Variants in PYY observed in about 807,000 individuals in gnomAD.
PYY encodes the protein peptide YY.
A neutral mutation model predicts 10.3 loss-of-function variants in PYY; 12 were observed. That is an observed-to-expected ratio of 1.17 (90% confidence interval 0.75 to 1.89). The LOEUF (loss-of-function observed/expected upper bound fraction) is 1.89. Among genes scored for constraint, PYY ranks in the 40% most tolerant of loss-of-function variants. The pLI is 0.00. For synonymous variants in PYY, 66 were observed against 62.0 expected (o/e 1.06, Z -0.30); for missense variants, 141 against 134.0 (o/e 1.05, Z -0.26).
chr17:43,958,386 ATT>A (rs756156118), upstream of PYY, among the ~76,000 whole-genome samples: 3 of 142,126 alleles, frequency 2.1e-5, no homozygotes, highest in South Asian at 2.2e-4. Flanking sequence ...CCTAAAAGGC[ATT>A]TTTTTTTTTT....
Position 43,976,235 on chromosome 17 carries a change from G to GTATACATGTATACATATA in PYY, c.-462-9704_-462-9703insTATATGTATACATGTATA, listed in dbSNP as rs1567932177. 1.0e-3 allele frequency among the ~76,000 whole-genome samples: 111 copies of GTATACATGTATACATATA among 106,996 alleles called. 3 individuals are homozygous for GTATACATGTATACATATA. In the East Asian group the frequency reaches 0.011, roughly 11 times the overall value. 70.2% of individuals were successfully genotyped at this position (106,996 alleles called of 152,430 possible). A position where few individuals can be genotyped will look rare whatever the true frequency, so the allele number is the denominator to read the frequency against. ...CGTATATGTATACATATATACATAT[G>GTATACATGTATACATATA]CGTATATATACACATATGTATACAT... is the stretch of plus-strand genomic sequence containing the variant. On this transcript the variant is annotated intron_variant, in intron 1 of 6. Transcript: ENST00000360085.
intron 1 of PYY, among the ~76,000 whole-genome samples, chr17:43,977,248 A>C (rs1392330729): frequency 6.6e-6 from 1 of 152,210 alleles, no homozygotes; most frequent in Non-Finnish European, 1.5e-5. Context: ...CAGCTTCATT[A>C]GTTCCAAGGG....
At chr17:43,959,065 T>C (rs1354876876) in intron 2 of PYY, among the ~76,000 whole-genome samples, 3 of 152,214 alleles carry the variant, frequency 2.0e-5, no homozygotes, top group Admixed American at 2.0e-4. Flanking sequence ...TTAAAGAAAC[T>C]GGAAATAACA....
chr17:43,987,901 G>T lies in PYY; in HGVS notation c.-463+16490C>A, dbSNP rs2048925675. ...AGTGCTTCGGTAGCAGGGAGGGGCA[G>T]AGAGCGGTGGGACATATGCCTCCAT... On this transcript the variant is annotated intron_variant, in intron 1 of 6. Transcript: ENST00000360085. The surrounding 1 kb of genome is among the most constrained non-coding windows in gnomAD (Gnocchi z 4.0). Among the ~76,000 whole-genome samples, 1 of 152,234 alleles carries T rather than the reference G, an allele frequency of 6.6e-6. No homozygotes were observed. The highest frequency in any genetic ancestry group is 1.5e-5 in the Non-Finnish European group (1 of 68,042).
chr17:43,965,927 C>T (rs952852349), intron 2 of PYY, among the ~76,000 whole-genome samples: 1 of 151,532 alleles, frequency 6.6e-6, no homozygotes, highest in Non-Finnish European at 1.5e-5. Context: ...TGGTGCTCCC[C>T]AAGATGAGAT....
chr17:43,961,680 A>T (rs1324789556), intron 2 of PYY, among the ~76,000 whole-genome samples: 1 of 152,258 alleles, frequency 6.6e-6, no homozygotes, highest in South Asian at 2.1e-4. Context: ...AGCTGGGATT[A>T]CAGGAGTGCG....
chr17:43,973,458 C>T (rs527309288), intron 1 of PYY, among the ~76,000 whole-genome samples: 3 of 152,318 alleles, frequency 2.0e-5, no homozygotes, highest in Non-Finnish European at 2.9e-5. Flanking sequence ...TCATCCAGCG[C>T]TGTTTTGGAG....
rs141563135 is a variant in PYY, at chr17:43,967,240, C to T, written c.-462-708G>A. Among the ~76,000 whole-genome samples, 384 of 152,144 alleles carry T rather than the reference C, an allele frequency of 2.5e-3. 2 individuals carry two copies. The highest frequency in any genetic ancestry group is 2.8e-3 in the Non-Finnish European group (189 of 67,996). Reference sequence around the variant, plus strand: ...ATCACCAGAACCTGGGAGGCGGAGGCTGCAATGAGCTGAGATCACACCACT... The same window carrying T: ...ATCACCAGAACCTGGGAGGCGGAGGTTGCAATGAGCTGAGATCACACCACT... On this transcript the variant is annotated intron_variant, in intron 1 of 6. Coordinates refer to the PYY transcript ENST00000360085.
chr17:43,976,394 TACGTATATACATATTC>T (rs2048847129), intron 1 of PYY, among the ~76,000 whole-genome samples: 1 of 149,648 alleles, frequency 6.7e-6, no homozygotes, highest in African/African-American at 2.5e-5. Context: ...TGTATACATA[TACGTATATACATATTC>T]ATGTATACAT....
At chr17:43,981,291 G>A (rs543377312) in intron 1 of PYY, among the ~76,000 whole-genome samples, 27 of 152,208 alleles carry the variant, frequency 1.8e-4, no homozygotes, top group African/African-American at 6.5e-4. Flanking sequence ...AGCAGATATG[G>A]CCAATTTCCT....
At chr17:43,953,024 C>G in intron 3 of PYY, 44 bp from the exon 4 acceptor site, 1 of 1,587,996 alleles carries the variant, frequency 6.3e-7, no homozygotes. Context: ...GGAGGCGAGC[C>G]TGGGAGACGT....
In PYY at chr17:44,003,757, A is replaced by C. The variant is rs1038248538; in HGVS notation, c.-463+634T>G. On this transcript the variant is annotated intron_variant, in intron 1 of 6. Coordinates refer to the PYY transcript ENST00000360085. ...CAGCACCTTGGGAGGCAGAAGTGGG[A>C]GGACTGCTTGAGCTCAGGAGTTCAC... 7.6e-4 allele frequency among the ~76,000 whole-genome samples: 114 copies of C among 150,154 alleles called. 1 individual carries two copies. The highest frequency in any genetic ancestry group is 2.7e-3 in the African/African-American group (112 of 40,942).
At chr17:43,981,382 A>G (rs1462063628) in intron 1 of PYY, among the ~76,000 whole-genome samples, 1 of 152,038 alleles carries the variant, frequency 6.6e-6, no homozygotes, top group Non-Finnish European at 1.5e-5. Flanking sequence ...ACTTGGCATC[A>G]TGTTTGTCTT....
At chr17:43,978,770 G>A (rs1480351185) in intron 1 of PYY, among the ~76,000 whole-genome samples, 2 of 152,150 alleles carry the variant, frequency 1.3e-5, no homozygotes, top group South Asian at 2.1e-4. Context: ...AGGTAGACAG[G>A]AATTGCTATT....
In PYY at chr17:43,964,479, G is replaced by A. The variant is rs867672168; in HGVS notation, c.-218+1809C>T. 2.6e-4 allele frequency among the ~76,000 whole-genome samples: 40 copies of A among 152,334 alleles called. 1 individual carries two copies. The Middle Eastern group carries it at 0.027, about 104-fold the overall frequency. ...TGTAGAACTAATGCTGGCTGGATGC[G>A]GTGGCTGACGCCTGTAACCCCAGCA... On this transcript the variant is annotated intron_variant, in intron 2 of 6. Coordinates refer to the PYY transcript ENST00000360085.
At chr17:43,953,267 C>T (rs752924539) in intron 2 of PYY, 29 bp downstream of exon 2, 7 of 1,607,684 alleles carry the variant, frequency 4.4e-6, no homozygotes, top group Non-Finnish European at 5.9e-6. Flanking sequence ...GTGAGAGCCC[C>T]AGGGGTCCCG....
At chr17:43,957,069 A>G (rs11652498), upstream of PYY, among the ~76,000 whole-genome samples, 85,732 of 151,646 alleles carry the variant, frequency 0.57, 25,864 homozygotes, top group South Asian at 0.73. Context: ...GTCGTGGCGC[A>G]TGCCTGTAGT....
intron 2 of PYY, among the ~76,000 whole-genome samples, chr17:43,959,503 G>A (rs1478378297): frequency 1.3e-5 from 2 of 152,096 alleles, no homozygotes; most frequent in African/African-American, 4.8e-5. Context: ...TGGCCATGTC[G>A]AAACCCTGTC....
upstream of PYY, among the ~76,000 whole-genome samples, chr17:43,954,706 C>A (rs1203336438): frequency 6.6e-6 from 1 of 152,168 alleles, no homozygotes; most frequent in Non-Finnish European, 1.5e-5. Context: ...GTGTCTCCAC[C>A]CCTATGCAGG....
Sources: allele counts gnomAD v4.1 joint callset (sites outside exome capture counted in the v4.1 genomes callset), GRCh38; gene constraint gnomAD v4.1.1; non-coding constraint Gnocchi (gnomAD v3.1); transcripts MANE v1.5; gene names NCBI Gene and HGNC (gene_info 2026-07-23, HGNC 2026-07-21).